MECOM: variants seen among roughly 807,000 people sequenced by gnomAD.
MECOM encodes histone-lysine N-methyltransferase MECOM.
MECOM carries 13 observed loss-of-function variants against 116.3 expected under a neutral mutation model. The observed-to-expected ratio is 0.11, with a 90% CI of 0.07 to 0.18. The LOEUF is 0.18. Among genes scored for constraint, MECOM ranks in the 10% least tolerant of loss-of-function variants. MECOM has a pLI of 1.00. For missense variants in MECOM, 1,299 were observed against 1,509.0 expected (o/e 0.86, Z 2.31); for synonymous variants, 528 against 535.2 (o/e 0.99, Z 0.19).
intron 2 of MECOM, among the ~76,000 whole-genome samples, chr3:169,233,543 T>C (rs1407635098): frequency 2.6e-5 from 4 of 152,130 alleles, no homozygotes; most frequent in Admixed American, 2.6e-4. Context: ...CAACTCCTAA[T>C]AAATACTAAG....
At chr3:169,123,303 ATGTGTGTG>A (rs34615103) in intron 5 of MECOM, among the ~76,000 whole-genome samples, 2 of 147,506 alleles carry the variant, frequency 1.4e-5, no homozygotes, top group Non-Finnish European at 3.0e-5. Flanking sequence ...ATATGCATGG[ATGTGTGTG>A]TGTGTGTGTG....
chr3:169,170,543 G>A (rs992946170), intron 2 of MECOM, among the ~76,000 whole-genome samples: 3 of 151,844 alleles, frequency 2.0e-5, no homozygotes, highest in Non-Finnish European at 2.9e-5. Flanking sequence ...ATACACTTTC[G>A]TGGATGCTGA....
At chr3:169,352,689 T>A (rs1388928666) in intron 2 of MECOM, among the ~76,000 whole-genome samples, 1 of 151,780 alleles carries the variant, frequency 6.6e-6, no homozygotes, top group Non-Finnish European at 1.5e-5. Context: ...GAAGTGACAA[T>A]CATAATAAAC....
intron 2 of MECOM, among the ~76,000 whole-genome samples, chr3:169,253,391 C>CTT (rs11434116): frequency 1.5e-3 from 213 of 144,710 alleles, no homozygotes; most frequent in Middle Eastern, 3.6e-3. Context: ...CTGTTTAGTT[C>CTT]TTTTTTTTTT....
intron 1 of MECOM, among the ~76,000 whole-genome samples, chr3:169,649,822 A>G (rs1394517039): frequency 6.6e-6 from 1 of 152,258 alleles, no homozygotes; most frequent in African/African-American, 2.4e-5. Context: ...TTAAAGATTT[A>G]TATGAATAAT....
At chr3:169,229,436 C>G (rs542096999) in intron 2 of MECOM, among the ~76,000 whole-genome samples, 8 of 152,246 alleles carry the variant, frequency 5.3e-5, no homozygotes, top group African/African-American at 1.9e-4. Context: ...GTCTTCTGAT[C>G]AGAGTTTCCA....
intron 1 of MECOM, among the ~76,000 whole-genome samples, chr3:169,556,312 G>A (rs997182988): frequency 6.6e-6 from 1 of 152,194 alleles, no homozygotes; most frequent in Admixed American, 6.5e-5. Flanking sequence ...CCCACCAGTG[G>A]ATGGTGGTGG....
At chr3:169,188,200 G>A (rs1747026399) in intron 2 of MECOM, among the ~76,000 whole-genome samples, 1 of 151,998 alleles carries the variant, frequency 6.6e-6, no homozygotes, top group Admixed American at 6.6e-5. Flanking sequence ...TCTTGACAAT[G>A]CCAAGACTCT....
chr3:169,485,924 G>GTATATGTGTA (rs1752148322), intron 1 of MECOM, among the ~76,000 whole-genome samples: 1 of 107,490 alleles, frequency 9.3e-6, no homozygotes, highest in Non-Finnish European at 1.8e-5. Context: ...TGTATATATA[G>GTATATGTGTA]TATATATAGT....
intron 2 of MECOM, among the ~76,000 whole-genome samples, chr3:169,197,175 T>A (rs1157059019): frequency 6.6e-6 from 1 of 151,298 alleles, no homozygotes; most frequent in Non-Finnish European, 1.5e-5. Flanking sequence ...GGGTGGAGAG[T>A]GGAGGAGGAT....
At chr3:169,356,046 C>G (rs1048728633) in intron 2 of MECOM, among the ~76,000 whole-genome samples, 4 of 151,808 alleles carry the variant, frequency 2.6e-5, no homozygotes, top group African/African-American at 9.7e-5. Flanking sequence ...GCCTAAGCTT[C>G]TTTTAAGAAA....
intron 9 of MECOM, among the ~76,000 whole-genome samples, chr3:169,109,388 T>A (rs147572610): frequency 6.6e-6 from 1 of 151,910 alleles, no homozygotes; most frequent in Non-Finnish European, 1.5e-5. Context: ...AGCATTCATC[T>A]TTTAATTTTG....
intron 1 of MECOM, among the ~76,000 whole-genome samples, chr3:169,482,144 A>G (rs932011933): frequency 2.0e-5 from 3 of 150,080 alleles, no homozygotes; most frequent in Non-Finnish European, 4.4e-5. Context: ...CCACGATCTT[A>G]TTAGAGAAAA....
intron 1 of MECOM, among the ~76,000 whole-genome samples, chr3:169,451,494 A>T (rs568340377): frequency 6.6e-6 from 1 of 152,270 alleles, no homozygotes; most frequent in East Asian, 1.9e-4. Flanking sequence ...TGCTTGTTAC[A>T]TGTTTACCTG....
intron 2 of MECOM, among the ~76,000 whole-genome samples, chr3:169,308,822 T>A (rs774017168): frequency 1.3e-5 from 2 of 152,216 alleles, no homozygotes; most frequent in African/African-American, 2.4e-5. Context: ...ATCAACTGAA[T>A]TCTCTCCCCA....
At chr3:169,594,178 A>AAAAAAAAACCTT (rs1553894686) in intron 1 of MECOM, among the ~76,000 whole-genome samples, 1 of 138,598 alleles carries the variant, frequency 7.2e-6, no homozygotes, top group Non-Finnish European at 1.6e-5. Context: ...AAAAAAAAAC[A>AAAAAAAAACCTT]CCTTTTCACC....
At chr3:169,117,405 C>G (rs1368520458) in intron 7 of MECOM, among the ~76,000 whole-genome samples, 1 of 152,164 alleles carries the variant, frequency 6.6e-6, no homozygotes, top group Non-Finnish European at 1.5e-5. Context: ...TACAATGGCT[C>G]TATTTTAAGC....
chr3:169,496,590 C>T (rs937930986), intron 1 of MECOM, among the ~76,000 whole-genome samples: 1 of 152,186 alleles, frequency 6.6e-6, no homozygotes, highest in African/African-American at 2.4e-5. Context: ...GCCAGTTGTT[C>T]TTCCTGACTG....
intron 3 of MECOM, chr3:169,133,208 C>A (rs1219841397): frequency 6.6e-6 from 1 of 151,968 alleles, no homozygotes; most frequent in Non-Finnish European, 1.5e-5. Context: ...TTACTGTTAA[C>A]TATGGTTTTT....
Sources: gnomAD v4.1 joint callset for allele counts (sites outside exome capture counted in the v4.1 genomes callset) on GRCh38, gnomAD v4.1.1 for gene constraint, MANE v1.5 for transcripts, NCBI Gene and HGNC (gene_info 2026-07-23, HGNC 2026-07-21) for gene names.